The following SLC24A3 variants were observed in gnomAD, a reference collection of about 807,000 sequenced individuals.
SLC24A3 encodes the protein sodium/potassium/calcium exchanger 3.
In SLC24A3, 28 loss-of-function variants were observed where a neutral mutation model predicts 75.8. That is an observed-to-expected ratio of 0.37 (90% CI 0.27 to 0.51). The LOEUF (loss-of-function observed/expected upper bound fraction) is 0.51, where lower values mean the gene tolerates loss of function less well. SLC24A3 is among the 20% of genes least tolerant of loss of function. The pLI is 0.94. For missense variants in SLC24A3, 663 were observed against 847.8 expected, an observed-to-expected ratio of 0.78 and a Z score of 2.71; for synonymous variants, 372 against 334.1, an observed-to-expected ratio of 1.11 and a Z score of -1.24.
At chr20:19,323,205 C>CCAA (rs1363978466) in intron 2 of SLC24A3, among the ~76,000 whole-genome samples, 1 of 61,130 alleles carries the variant, frequency 1.6e-5, no homozygotes, top group Non-Finnish European at 3.5e-5. Context: ...GACTCCGTCT[C>CCAA]AAAAAAAAAA....
chr20:19,465,084 T>A (rs1284474727), intron 2 of SLC24A3, among the ~76,000 whole-genome samples: 1 of 152,252 alleles, frequency 6.6e-6, no homozygotes, highest in Admixed American at 6.5e-5. Flanking sequence ...TTAACTCATT[T>A]AAATTTAGAT....
intron 1 of SLC24A3, among the ~76,000 whole-genome samples, chr20:19,260,779 A>G (rs1317636599): frequency 1.3e-5 from 2 of 152,224 alleles, no homozygotes; most frequent in South Asian, 2.1e-4. Context: ...TGCTGTAGGC[A>G]TCATTCTCAG....
chr20:19,346,183 G>GGT lies in SLC24A3; in HGVS notation c.271+65099_271+65100dup, dbSNP rs1268609779. ...GTGTATATATATGGTATATATATATGGTGTATATATATATATGGTATATAT... is the reference window on the plus strand; with the variant it reads ...GTGTATATATATGGTATATATATATGGTGTGTATATATATATATGGTATATAT... On this transcript the variant is annotated intron_variant, in intron 2 of 16. Transcript: ENST00000328041. Among the ~76,000 whole-genome samples, 11 of 72,352 alleles carry GGT rather than the reference G, an allele frequency of 1.5e-4. 5 individuals are homozygous for GGT. Among genetic ancestry groups the GGT allele is most frequent in the African/African-American group, 5.8e-4 (8 of 13,794 alleles). 47.5% of individuals were successfully genotyped at this position (72,352 alleles called of 152,430 possible).
At chr20:19,249,984 C>G (rs1375557396) in intron 1 of SLC24A3, among the ~76,000 whole-genome samples, 1 of 152,188 alleles carries the variant, frequency 6.6e-6, no homozygotes, top group Non-Finnish European at 1.5e-5. Context: ...TGTCTTTTGA[C>G]TGATCTGAAA....
At chr20:19,248,198 G>C (rs1266897082) in intron 1 of SLC24A3, among the ~76,000 whole-genome samples, 1 of 152,178 alleles carries the variant, frequency 6.6e-6, no homozygotes, top group Non-Finnish European at 1.5e-5. Context: ...TTGCCTCCTT[G>C]TGGGAGCCAG....
At chr20:19,475,077 G>A (rs1487303905) in intron 2 of SLC24A3, among the ~76,000 whole-genome samples, 2 of 152,174 alleles carry the variant, frequency 1.3e-5, no homozygotes, top group African/African-American at 2.4e-5. Flanking sequence ...GGTGGCTCAC[G>A]CCTGTAATCC....
At chr20:19,538,022 TATA>T (rs1568648991) in intron 3 of SLC24A3, among the ~76,000 whole-genome samples, 1 of 151,812 alleles carries the variant, frequency 6.6e-6, no homozygotes, top group South Asian at 2.1e-4. Flanking sequence ...AAACTTAAAG[TATA>T]ATAATAATAA....
chr20:19,614,289 T>C (rs1302347556), intron 6 of SLC24A3, among the ~76,000 whole-genome samples: 3 of 152,356 alleles, frequency 2.0e-5, no homozygotes, highest in Middle Eastern at 3.4e-3. Flanking sequence ...ATGGAGTAAT[T>C]GCATTAACTA....
intron 15 of SLC24A3, among the ~76,000 whole-genome samples, chr20:19,715,793 G>A (rs1040477927): frequency 2.6e-5 from 4 of 152,172 alleles, no homozygotes; most frequent in Non-Finnish European, 4.4e-5. Context: ...TTACCACTTA[G>A]TTGTCTAACA....
At chr20:19,518,960 A>C (rs1432866933) in intron 3 of SLC24A3, among the ~76,000 whole-genome samples, 2 of 152,168 alleles carry the variant, frequency 1.3e-5, no homozygotes, top group Non-Finnish European at 2.9e-5. Context: ...AAGATCTGGG[A>C]CTGCCTTATC....
At chr20:19,273,007 G>A (rs1487333142) in intron 1 of SLC24A3, among the ~76,000 whole-genome samples, 1 of 152,156 alleles carries the variant, frequency 6.6e-6, no homozygotes, top group Non-Finnish European at 1.5e-5. Context: ...GAATATGTGG[G>A]CTTTCCCATC....
Position 19,681,541 on chromosome 20 carries a change from C to T in SLC24A3, c.768-317C>T, listed in dbSNP as rs1010985216. Reference sequence around the variant, plus strand: ...TTAGCACAGTCCTTCCATGTGCAGACTGAGAAGGGGAGCTCAATCCCAGAG... The same window carrying T: ...TTAGCACAGTCCTTCCATGTGCAGATTGAGAAGGGGAGCTCAATCCCAGAG... On this transcript the variant is annotated intron_variant, in intron 9 of 16. Transcript: ENST00000328041. Among the ~76,000 whole-genome samples, 3 of 152,172 alleles carry T rather than the reference C, an allele frequency of 2.0e-5. No individual in the cohort carries two copies. The East Asian group carries it at 5.8e-4, about 29-fold the overall frequency.
chr20:19,329,290 T>C (rs1984941267), intron 2 of SLC24A3, among the ~76,000 whole-genome samples: 2 of 152,194 alleles, frequency 1.3e-5, no homozygotes, highest in Non-Finnish European at 2.9e-5. Flanking sequence ...AAAAAGCTTG[T>C]TTTTATGCTA....
chr20:19,574,055 C>G (rs575059610), intron 3 of SLC24A3, among the ~76,000 whole-genome samples: 8 of 152,320 alleles, frequency 5.3e-5, no homozygotes, highest in African/African-American at 1.7e-4. Flanking sequence ...TCCCACCAAG[C>G]AGCGCATCTG....
rs577421809 is a variant in SLC24A3, at chr20:19,662,480, G to A, written c.688-3384G>A. Among the ~76,000 whole-genome samples the A allele has an allele frequency of 2.2e-4, 34 of 152,354 alleles. 1 individual carries two copies. The highest frequency in any genetic ancestry group is 7.9e-4 in the African/African-American group (33 of 41,594). On this transcript the variant is annotated intron_variant, in intron 7 of 16. Coordinates refer to ENST00000328041, the MANE Select transcript of SLC24A3 (RefSeq NM_020689.4). ...CCTTGAGGTGATTCCCTTCCTTCCA[G>A]GAGATTTAATAGAACTGCGAAAATG...
chr20:19,570,695 G>A (rs2031039052), intron 3 of SLC24A3, among the ~76,000 whole-genome samples: 1 of 152,144 alleles, frequency 6.6e-6, no homozygotes, highest in South Asian at 2.1e-4. Context: ...ATAGTTTGAG[G>A]TCTGTGAAAC....
chr20:19,441,629 T>C (rs116251593), intron 2 of SLC24A3, among the ~76,000 whole-genome samples: 2,764 of 152,328 alleles, frequency 0.018, 86 homozygotes, highest in African/African-American at 0.061. Context: ...TAACATCTTA[T>C]ATTAGTGTGG....
chr20:19,224,117 TGTGA>T lies in SLC24A3; in HGVS notation c.142+11137_142+11140del, dbSNP rs1156587872. Among the ~76,000 whole-genome samples, 10 of 99,718 alleles carry T rather than the reference TGTGA, an allele frequency of 1.0e-4. No homozygotes were observed. In the South Asian group the frequency reaches 2.9e-3, roughly 29 times the overall value. The allele number at this position is 99,718 out of a possible 152,430, so 65.4% of individuals were successfully genotyped here. Reference sequence around the variant, plus strand: ...CTACTGTACCCATGTGGTGTGAGTGTGTGAGTGTGTGTGTGTGTGTGTGTGTGTG... The same window carrying T: ...CTACTGTACCCATGTGGTGTGAGTGTGTGTGTGTGTGTGTGTGTGTGTGTG... On this transcript the variant is annotated intron_variant, in intron 1 of 16. Transcript: ENST00000328041.
intron 2 of SLC24A3, among the ~76,000 whole-genome samples, chr20:19,369,190 G>A (rs926819869): frequency 1.3e-5 from 2 of 152,216 alleles, no homozygotes; most frequent in Non-Finnish European, 2.9e-5. Flanking sequence ...TTGCAGTGGA[G>A]GAACCTGGCC....
Sources: gnomAD v4.1 joint callset for allele counts (sites outside exome capture counted in the v4.1 genomes callset) on GRCh38, gnomAD v4.1.1 for gene constraint, MANE v1.5 for transcripts, NCBI Gene and HGNC (gene_info 2026-07-23, HGNC 2026-07-21) for gene names.